Variants in MACF1 observed in about 807,000 individuals in gnomAD.
MACF1 encodes the protein microtubule actin crosslinking factor 1.
Under a neutral mutation model 854.8 loss-of-function variants are expected in MACF1, and 193 were observed. That is an observed-to-expected ratio of 0.23 (90% CI 0.20 to 0.25). The LOEUF is 0.25. MACF1 is among the 10% of genes least tolerant of loss of function. The pLI, the probability that MACF1 is intolerant of heterozygous loss-of-function variation, is 1.00. For missense variants in MACF1, 7,722 were observed against 8,929.1 expected (o/e 0.86, Z 5.45); for synonymous variants, 3,185 against 3,226.7 (o/e 0.99, Z 0.44).
chr1:39,275,342 A>G (rs1185271922), intron 6 of MACF1, among the ~76,000 whole-genome samples: 1 of 152,006 alleles, frequency 6.6e-6, no homozygotes, highest in African/African-American at 2.4e-5. Flanking sequence ...TCTGCCTCCC[A>G]AAGTGCTGGA....
intron 2 of MACF1, among the ~76,000 whole-genome samples, chr1:39,151,061 A>T (rs1196837109): frequency 6.6e-6 from 1 of 152,174 alleles, no homozygotes; most frequent in Non-Finnish European, 1.5e-5. Context: ...CTTTGACTCA[A>T]CATGTTCCAG....
At chr1:39,203,496 C>T (rs1435711573), upstream of MACF1, among the ~76,000 whole-genome samples, 2 of 152,218 alleles carry the variant, frequency 1.3e-5, no homozygotes, top group African/African-American at 2.4e-5. Flanking sequence ...TGAGCCACTG[C>T]ATCTGGCCTG....
intron 2 of MACF1, among the ~76,000 whole-genome samples, chr1:39,245,948 ATAGTCTCACAAAAGCACTCT>A (rs2148328326): frequency 6.6e-6 from 1 of 152,324 alleles, no homozygotes; most frequent in South Asian, 2.1e-4. Flanking sequence ...CTCTTGAGAA[ATAGTCTCACAAAAGCACTCT>A]TACTTATTTG....
chr1:39,194,357 T>TC (rs1644293935), intron 2 of MACF1, among the ~76,000 whole-genome samples: 1 of 118,480 alleles, frequency 8.4e-6, no homozygotes, highest in African/African-American at 2.8e-5. Flanking sequence ...TTTTCTTTTT[T>TC]TTTTTTTTTT....
intron 2 of MACF1, among the ~76,000 whole-genome samples, chr1:39,172,642 G>A (rs957594954): frequency 6.6e-6 from 1 of 152,196 alleles, no homozygotes; most frequent in Non-Finnish European, 1.5e-5. Context: ...CTTTTCATAC[G>A]TGGCTGTTCT....
chr1:39,406,561 C>T (rs965237118), intron 58 of MACF1, among the ~76,000 whole-genome samples: 1 of 151,868 alleles, frequency 6.6e-6, no homozygotes, highest in African/African-American at 2.4e-5. Context: ...GGGGTGAAAC[C>T]CATCTCTACT....
At chr1:39,435,864 A>G (rs1643961998) in intron 70 of MACF1, 103 bp downstream of exon 70, 1 of 977,356 alleles carries the variant, frequency 1.0e-6, no homozygotes, top group African/African-American at 1.6e-5. Flanking sequence ...CCAGAGCAGC[A>G]TGTTAATACG....
chr1:39,203,693 T>C (rs746528751), upstream of MACF1, among the ~76,000 whole-genome samples: 2 of 152,100 alleles, frequency 1.3e-5, no homozygotes, highest in African/African-American at 4.8e-5. Context: ...TGGAATCATA[T>C]GGTATGTAGC....
intron 2 of MACF1, among the ~76,000 whole-genome samples, chr1:39,243,124 A>G (rs889015323): frequency 6.6e-6 from 1 of 152,208 alleles, no homozygotes; most frequent in African/African-American, 2.4e-5. Context: ...CTTTTATAAT[A>G]TAGACATCCT....
chr1:39,302,986 A>G lies in MACF1; in HGVS notation c.2697A>G (p.Lys899=). The change falls in exon 23 of 101, where the codon AAA becomes AAG. Residue 899 remains lysine, a synonymous_variant. Transcript: ENST00000564288. The stretch of plus-strand genomic sequence containing the variant: ...ATAATTCTCAGCGGACCAAATGGAA[A>G]GTGATCAGCCCCACAGGGAACGAGG... ...LEDNSQRTKW[K]VISPTGNEAM... 2 of 1,614,232 alleles carry G rather than the reference A, an allele frequency of 1.2e-6. No individual in the cohort carries two copies. Among genetic ancestry groups the G allele is most frequent in the Non-Finnish European group, 1.7e-6 (2 of 1,180,020 alleles).
At chr1:39,185,107 CG>C (rs1644149738) in intron 2 of MACF1, among the ~76,000 whole-genome samples, 1 of 151,256 alleles carries the variant, frequency 6.6e-6, no homozygotes, top group South Asian at 2.1e-4. Flanking sequence ...CTGGCTAACA[CG>C]GTGAAACCCC....
chr1:39,317,256 G>T lies in MACF1; in HGVS notation c.3631G>T (p.Val1211Phe), dbSNP rs1471477915. ...GAAGGACAAGAATTCAGTGTTTTCA[G>T]TCCTGGATGAGGAAATTGCCAAGGC... ...DVKDKNSVFS[V>F]LDEEIAKAKV... Residue 1211 changes from valine to phenylalanine, a missense_variant, in exon 29 of 101, where the codon GTC (valine) becomes TTC (phenylalanine). Val to Phe is a conservative substitution (Grantham distance 50). Coordinates refer to ENST00000564288, the MANE Select transcript of MACF1 (RefSeq NM_001394062.1). 1.2e-6 allele frequency: 2 copies of T among 1,614,076 alleles called. No homozygotes were observed. Among genetic ancestry groups the T allele is most frequent in the South Asian group, 2.2e-5 (2 of 91,064 alleles).
At chr1:39,256,830 C>G (rs948926184) in intron 5 of MACF1, among the ~76,000 whole-genome samples, 9 of 151,400 alleles carry the variant, frequency 5.9e-5, no homozygotes, top group African/African-American at 2.2e-4. Context: ...TGAGAGCAGG[C>G]CAAAGACTGG....
In MACF1 at chr1:39,433,140, A is replaced by T; in HGVS notation, c.17550A>T (p.Gln5850His). The T allele has an allele frequency of 6.2e-7, 1 of 1,600,306 alleles. No individual in the cohort carries two copies. The highest frequency in any genetic ancestry group is 1.7e-4 in the Middle Eastern group (1 of 6,008). Residue 5850 changes from glutamine (Q) to histidine (H), a missense_variant, in exon 68 of 101, where the codon CAA becomes CAT. Transcript: ENST00000564288. ...TCTTTGGCACATGTGGGGAGGAGCA[A>T]AAAACTGTATTACAGGTGAATTACA... Reference protein sequence around the residue: ...SEIFGTCGEEQKTVLQEKTES... With the variant: ...SEIFGTCGEEHKTVLQEKTES...
intron 14 of MACF1, 63 bp from the exon 15 acceptor site, chr1:39,287,223 T>G (rs1645662735): frequency 1.9e-5 from 28 of 1,511,274 alleles, no homozygotes; most frequent in Admixed American, 6.1e-5. Context: ...TAAGGAAGAT[T>G]TTATTTTTAA....
intron 2 of MACF1, among the ~76,000 whole-genome samples, chr1:39,241,785 A>G (rs1644927176): frequency 6.6e-6 from 1 of 151,834 alleles, no homozygotes; most frequent in Non-Finnish European, 1.5e-5. Context: ...CCCTCCAAGC[A>G]TCATAGAAGC....
At chr1:39,412,958 C>T (rs1387975734) in intron 58 of MACF1, 1 of 1,594,912 alleles carries the variant, frequency 6.3e-7, no homozygotes, top group Non-Finnish European at 8.5e-7. Flanking sequence ...GATGTCACAG[C>T]TGCTGCAGTA....
intron 99 of MACF1, among the ~76,000 whole-genome samples, chr1:39,482,248 C>T (rs752497121): frequency 4.4e-4 from 67 of 152,204 alleles, no homozygotes; most frequent in Non-Finnish European, 7.8e-4. Context: ...AGCAGCAGTG[C>T]GCAGGAACCT....
intron 1 of MACF1, among the ~76,000 whole-genome samples, chr1:39,208,717 C>T (rs1557519072): frequency 1.3e-5 from 2 of 152,114 alleles, no homozygotes; most frequent in Admixed American, 6.6e-5. Context: ...CCCCGCCTCC[C>T]GGGTTCAAGC....
Sources: allele counts gnomAD v4.1 joint callset (sites outside exome capture counted in the v4.1 genomes callset), GRCh38; gene constraint gnomAD v4.1.1; transcripts MANE v1.5; gene names NCBI Gene and HGNC (gene_info 2026-07-23, HGNC 2026-07-21).